The following SRCAP variants were observed in gnomAD, a reference collection of about 807,000 sequenced individuals.
SRCAP encodes Snf2 related CREBBP activator protein, also known as chromatin remodeling protein SRCAP.
A neutral mutation model predicts 263.1 loss-of-function variants in SRCAP; 46 were observed. The ratio of observed to expected loss-of-function variants is 0.17; its 90% CI spans 0.14 to 0.22. The LOEUF is 0.22. SRCAP is among the 10% of genes least tolerant of loss of function. The pLI is 1.00. For synonymous variants in SRCAP, 1,813 were observed against 1,662.1 expected, an observed-to-expected ratio of 1.09 and a Z score of -2.21; for missense variants, 3,695 against 4,181.9, an observed-to-expected ratio of 0.88 and a Z score of 3.21.
At chr16:30,710,934 A>G (rs1299258377) in intron 9 of SRCAP, 65 bp from the exon 10 acceptor site, 8 of 1,598,756 alleles carry the variant, frequency 5.0e-6, no homozygotes, top group Non-Finnish European at 6.0e-6. Flanking sequence ...CATCTGTTTC[A>G]TTTGGACTGT....
rs1379804526 is a variant in SRCAP at position 30,724,748 on chromosome 16, C to T, written c.5324C>T (p.Ser1775Leu). 3 of 1,613,906 alleles carry T rather than the reference C, an allele frequency of 1.9e-6. No homozygotes were observed. Among genetic ancestry groups the T allele is most frequent in the Non-Finnish European group, 2.5e-6 (3 of 1,179,968 alleles). Residue 1775 changes from serine to leucine, a missense_variant, in exon 25 of 34, where the codon TCA (serine) becomes TTA (leucine). Coordinates refer to ENST00000262518, the MANE Select transcript of SRCAP (RefSeq NM_006662.3). Reference protein sequence around the residue: ...AHTLTLAPASSSASLLAPASV... With the variant: ...AHTLTLAPASLSASLLAPASV... ...ACGCTGACTTTGGCTCCAGCATCGT[C>T]ATCTGCTTCACTCCTGGCCCCAGCT...
Position 30,739,241 on chromosome 16 carries a change from C to T in SRCAP, c.9201C>T (p.Ala3067=). 1 of 1,613,646 alleles carries T rather than the reference C, an allele frequency of 6.2e-7. No individual in the cohort carries two copies. The highest frequency in any genetic ancestry group is 8.5e-7 in the Non-Finnish European group (1 of 1,180,026). The change falls in exon 34 of 34, where the codon GCC becomes GCT. Residue 3067 remains alanine (A), a synonymous_variant. Coordinates refer to ENST00000262518, the MANE Select transcript of SRCAP (RefSeq NM_006662.3). ...GAAGCCGCCCCCTCACCCGCCTGGC[C>T]CGCCTTCGGCTTGAAGCAGAAGGAA... ...EDGSRPLTRL[A]RLRLEAEGMR...
intron 3 of SRCAP, chr16:30,701,558 C>T (rs932682862): frequency 5.9e-5 from 9 of 151,858 alleles, no homozygotes; most frequent in Admixed American, 3.9e-4. Flanking sequence ...CAGTGTAAGG[C>T]TTATGTCCTG....
Position 30,716,476 on chromosome 16 carries a change from C to T in SRCAP, c.2814C>T (p.Leu938=), listed in dbSNP as rs1372829860. 6.2e-7 allele frequency: 1 copy of T among 1,610,846 alleles called. No individual in the cohort carries two copies. Among genetic ancestry groups the T allele is most frequent in the African/African-American group, 1.3e-5 (1 of 74,756 alleles). The change falls in exon 18 of 34, where the codon CTC becomes CTT. Residue 938 remains leucine (L), a synonymous_variant. Coordinates refer to ENST00000262518, the MANE Select transcript of SRCAP (RefSeq NM_006662.3). ...TAAGGGCCACGGATGTCCATCCCCT[C>T]CAGGTAAGTATGATTCCATTAATAT... ...LVLRATDVHP[L]QRIDMGRFDL... is the part of the protein sequence containing the mutation.
intron 5 of SRCAP, 95 bp from the exon 6 acceptor site, chr16:30,707,477 G>C (rs1283085513): frequency 1.2e-6 from 2 of 1,604,580 alleles, no homozygotes; most frequent in African/African-American, 1.3e-5. Context: ...GCAAACTCTT[G>C]ATTTTCCAGA....
chr16:30,714,911 A>G (rs139975282), intron 16 of SRCAP, among the ~76,000 whole-genome samples: 83 of 152,000 alleles, frequency 5.5e-4, no homozygotes, highest in African/African-American at 2.0e-3. Context: ...TCAACTTCAT[A>G]TTGTTGGTGT....
At chr16:30,708,382 A>G (rs956944091) in intron 6 of SRCAP, among the ~76,000 whole-genome samples, 2 of 152,102 alleles carry the variant, frequency 1.3e-5, no homozygotes, top group South Asian at 2.1e-4. Flanking sequence ...CTAATTAAAA[A>G]AATTCTTTTT....
chr16:30,718,308 C>A (rs1004786775), intron 18 of SRCAP, among the ~76,000 whole-genome samples: 2 of 152,068 alleles, frequency 1.3e-5, no homozygotes, highest in Non-Finnish European at 1.5e-5. Context: ...TCCCGAGTAG[C>A]TGGGATTACG....
chr16:30,735,273 A>T (rs2053149834), intron 31 of SRCAP, among the ~76,000 whole-genome samples: 1 of 146,992 alleles, frequency 6.8e-6, no homozygotes, highest in Non-Finnish European at 1.5e-5. Context: ...CAGCCTCCCA[A>T]GTAGCTGGGA....
intron 8 of SRCAP, 52 bp from the exon 9 acceptor site, chr16:30,710,701 TC>T: frequency 6.3e-7 from 1 of 1,583,138 alleles, no homozygotes; most frequent in South Asian, 1.1e-5. Flanking sequence ...TTTGTGCCAT[TC>T]TTCTGCTACT....
At position 30,740,882 on chromosome 16, in the gene SRCAP, A is replaced by G. The variant is rs11150595; in HGVS notation, c.*1149A>G. 147,243 of 152,348 alleles carry G rather than the reference A, an allele frequency of 0.97. 71,309 individuals carry two copies. The highest frequency in any genetic ancestry group is 1 in the Middle Eastern group (294 of 294). 9.4% of individuals were successfully genotyped at this position (152,348 alleles called of 1,614,324 possible). ...TTGTCTCGCCCCTTTCACCTTTCCT[A>G]TCCTTCGTTACTTGGGTTCAGGGAG... On this transcript the variant is annotated 3_prime_UTR_variant, in exon 34 of 34. Coordinates refer to ENST00000262518, the MANE Select transcript of SRCAP (RefSeq NM_006662.3).
At chr16:30,707,749 G>A in intron 6 of SRCAP, 37 bp downstream of exon 6, 1 of 1,611,506 alleles carries the variant, frequency 6.2e-7, no homozygotes, top group Non-Finnish European at 8.5e-7. Flanking sequence ...AATGGCCTTG[G>A]ATTAGATTGG....
intron 1 of SRCAP, among the ~76,000 whole-genome samples, 151 bp downstream of exon 1, chr16:30,699,393 C>T (rs1436599544): frequency 6.6e-6 from 1 of 152,174 alleles, no homozygotes; most frequent in African/African-American, 2.4e-5. Context: ...CTTGGCAGTG[C>T]GGCCTCTCGC....
intron 19 of SRCAP, among the ~76,000 whole-genome samples, 180 bp downstream of exon 19, chr16:30,720,511 T>C (rs1457087461): frequency 1.3e-5 from 2 of 152,254 alleles, no homozygotes; most frequent in Non-Finnish European, 2.9e-5. Flanking sequence ...GATGGGCTTC[T>C]GTGTTAGTCA....
chr16:30,724,751 C>T lies in SRCAP; in HGVS notation c.5327C>T (p.Ser1776Phe). 6.2e-7 allele frequency: 1 copy of T among 1,613,986 alleles called. No individual in the cohort carries two copies. Among genetic ancestry groups the T allele is most frequent in the Non-Finnish European group, 8.5e-7 (1 of 1,179,938 alleles). The change falls in exon 25 of 34, where the codon TCT (serine) becomes TTT (phenylalanine). Residue 1776 changes from serine (S) to phenylalanine (F), a missense_variant. Transcript: ENST00000262518. ...HTLTLAPASS[S>F]ASLLAPASVQ... ...CTGACTTTGGCTCCAGCATCGTCAT[C>T]TGCTTCACTCCTGGCCCCAGCTTCA... is the stretch of plus-strand genomic sequence containing the variant.
chr16:30,722,158 T>G lies in SRCAP; in HGVS notation c.3578T>G (p.Leu1193Arg). 6.2e-7 allele frequency: 1 copy of G among 1,614,184 alleles called. No homozygotes were observed. ...GTCAGCATCGGGCAGTTAGCCTCAC[T>G]GGCACAACGTCCAGTGGCTAATGCA... Reference protein sequence around the residue: ...EVVSIGQLASLAQRPVANAGG... With the variant: ...EVVSIGQLASRAQRPVANAGG... Residue 1193 changes from leucine (L) to arginine (R), a missense_variant, in exon 22 of 34, where the codon CTG (leucine) becomes CGG (arginine). Leu to Arg is a moderately radical substitution (Grantham distance 102). Around this residue, in one of 12 missense-constraint regions of SRCAP, gnomAD observed 1,347 missense variants for 1,304.4 expected, o/e 1.03. Transcript: ENST00000262518.
At chr16:30,718,617 G>A (rs62057182) in intron 18 of SRCAP, among the ~76,000 whole-genome samples, 2,255 of 151,624 alleles carry the variant, frequency 0.015, 25 homozygotes, top group Non-Finnish European at 0.023. Flanking sequence ...GACTACAGGT[G>A]TGTGCCACCA....
rs1471762291 is a variant in SRCAP, at chr16:30,741,187, G to A, written c.*1454G>A. 2.0e-5 allele frequency: 3 copies of A among 152,216 alleles called. No individual in the cohort carries two copies. The highest frequency in any genetic ancestry group is 4.4e-5 in the Non-Finnish European group (3 of 68,094). The allele number at this position is 152,216 out of a possible 1,614,324, so 9.4% of individuals were successfully genotyped here. On this transcript the variant is annotated 3_prime_UTR_variant, in exon 34 of 34. Coordinates refer to ENST00000262518, the MANE Select transcript of SRCAP (RefSeq NM_006662.3). Reference sequence around the variant, plus strand: ...CTTAGGGAAGTAAAGTCTTTCTGATGTTTGGTTTTAGTGGTAATAAAGGGC... The same window carrying A: ...CTTAGGGAAGTAAAGTCTTTCTGATATTTGGTTTTAGTGGTAATAAAGGGC...
chr16:30,722,667 CCTGTCT>C lies in SRCAP; in HGVS notation c.3816_3821del (p.Ser1273_Val1274del), dbSNP rs1278377896. The C allele has an allele frequency of 5.0e-6, 8 of 1,613,934 alleles. No homozygotes were observed. The highest frequency in any genetic ancestry group is 6.8e-6 in the Non-Finnish European group (8 of 1,180,030). On this transcript the variant is annotated inframe_deletion, in exon 23 of 34. Coordinates refer to ENST00000262518, the MANE Select transcript of SRCAP (RefSeq NM_006662.3). ...CGTGGCCCCGACCCCTGGCCCTACC[CCTGTCT>C]CTGTGCTGCCTTCTTCGACCCCCAG...
Sources: gnomAD v4.1 joint callset for allele counts (sites outside exome capture counted in the v4.1 genomes callset) on GRCh38, gnomAD v4.1.1 for gene constraint, gnomAD v4.1.1 regional missense constraint, MANE v1.5 for transcripts, NCBI Gene and HGNC (gene_info 2026-07-23, HGNC 2026-07-21) for gene names.